Variants in PLCB1 observed in about 807,000 individuals in gnomAD.
PLCB1 encodes 1-phosphatidylinositol 4,5-bisphosphate phosphodiesterase beta-1.
A neutral mutation model predicts 161.8 loss-of-function variants in PLCB1; 46 were observed. The ratio of observed to expected loss-of-function variants is 0.28; its 90% CI spans 0.22 to 0.36. The LOEUF (loss-of-function observed/expected upper bound fraction) is 0.36. Among genes scored for constraint, PLCB1 ranks in the 10% least tolerant of loss-of-function variants. The pLI is 1.00. For synonymous variants in PLCB1, 517 were observed against 503.7 expected (o/e 1.03, Z -0.35); for missense variants, 1,016 against 1,472.5 (o/e 0.69, Z 5.07).
chr20:8,545,656 G>A (rs1985510489), intron 3 of PLCB1, among the ~76,000 whole-genome samples: 1 of 152,196 alleles, frequency 6.6e-6, no homozygotes, highest in East Asian at 1.9e-4. Context: ...CTGGATGTGG[G>A]AGGTGAGAAA....
intron 2 of PLCB1, among the ~76,000 whole-genome samples, chr20:8,163,476 A>G (rs1419924283): frequency 6.6e-6 from 1 of 152,210 alleles, no homozygotes; most frequent in Non-Finnish European, 1.5e-5. Flanking sequence ...ACCAGCAGCA[A>G]CCACTCTGGT....
At chr20:8,516,695 ATATATATATATATATG>A (rs1180202926) in intron 3 of PLCB1, among the ~76,000 whole-genome samples, 58 of 124,148 alleles carry the variant, frequency 4.7e-4, no homozygotes, top group Middle Eastern at 4.2e-3. Flanking sequence ...ATATATATAT[ATATATATATATATATG>A]TATTCCATTT....
At chr20:8,575,680 T>C (rs1986654289) in intron 3 of PLCB1, among the ~76,000 whole-genome samples, 1 of 152,234 alleles carries the variant, frequency 6.6e-6, no homozygotes, top group African/African-American at 2.4e-5. Context: ...GGGATTCCCA[T>C]TGATCTGATT....
intron 30 of PLCB1, 82 bp from the exon 31 acceptor site, chr20:8,790,093 C>A (rs577911158): frequency 4.5e-6 from 4 of 895,676 alleles, no homozygotes; most frequent in African/African-American, 3.3e-5. Flanking sequence ...AGCCATAGAT[C>A]TGAAAAGCTT....
chr20:8,812,840 G>A (rs1984895800), intron 31 of PLCB1, among the ~76,000 whole-genome samples: 1 of 152,208 alleles, frequency 6.6e-6, no homozygotes, highest in African/African-American at 2.4e-5. Context: ...AAACCATAAG[G>A]AAATTGTCTA....
chr20:8,603,093 C>T (rs966171582), intron 3 of PLCB1, among the ~76,000 whole-genome samples: 61 of 152,268 alleles, frequency 4.0e-4, no homozygotes, highest in African/African-American at 1.4e-3. Flanking sequence ...GAAAGGTCTA[C>T]GGTGTATGAC....
intron 2 of PLCB1, among the ~76,000 whole-genome samples, chr20:8,266,548 C>G (rs1438491064): frequency 1.3e-5 from 2 of 152,154 alleles, no homozygotes; most frequent in African/African-American, 4.8e-5. Context: ...TAGGAGGGAG[C>G]TACAAAGTTA....
chr20:8,349,267 A>C (rs1406128311), intron 2 of PLCB1, among the ~76,000 whole-genome samples: 1 of 152,182 alleles, frequency 6.6e-6, no homozygotes, highest in Non-Finnish European at 1.5e-5. Context: ...CAAGAAGAGG[A>C]AATAGGACAC....
chr20:8,647,877 T>C, intron 5 of PLCB1, 23 bp from the exon 6 acceptor site: 1 of 1,601,668 alleles, frequency 6.2e-7, no homozygotes, highest in Non-Finnish European at 8.6e-7. Flanking sequence ...AATCAAACCC[T>C]TGTTTTTCTG....
chr20:8,700,726 A>G (rs1164838960), intron 11 of PLCB1, among the ~76,000 whole-genome samples: 1 of 152,086 alleles, frequency 6.6e-6, no homozygotes, highest in Non-Finnish European at 1.5e-5. Flanking sequence ...TGCACATAGC[A>G]GGATAGACAG....
Position 8,332,595 on chromosome 20 carries a change from C to T in PLCB1, c.178-38787C>T, listed in dbSNP as rs538713319. 3.9e-5 allele frequency among the ~76,000 whole-genome samples: 6 copies of T among 152,266 alleles called. No homozygotes were observed. In the East Asian group the frequency reaches 5.8e-4, roughly 15 times the overall value. On this transcript the variant is annotated intron_variant, in intron 2 of 31. Transcript: ENST00000338037. ...ATCCCTAGATGAGAAAATGGAGATG[C>T]GGAAAGACTAAATGACTTGCCTGAG...
At chr20:8,202,491 T>C (rs1343161610) in intron 2 of PLCB1, among the ~76,000 whole-genome samples, 4 of 152,266 alleles carry the variant, frequency 2.6e-5, no homozygotes, top group Non-Finnish European at 5.9e-5. Flanking sequence ...GTGGGCACTT[T>C]CTACTTAGTC....
chr20:8,606,527 G>A (rs1987762810), intron 3 of PLCB1, among the ~76,000 whole-genome samples: 1 of 152,022 alleles, frequency 6.6e-6, no homozygotes, highest in African/African-American at 2.4e-5. Flanking sequence ...ATTATTATTA[G>A]TGCCCTAATG....
intron 2 of PLCB1, among the ~76,000 whole-genome samples, chr20:8,216,293 A>C (rs1204981452): frequency 7.3e-6 from 1 of 136,612 alleles, no homozygotes; most frequent in Non-Finnish European, 1.7e-5. Flanking sequence ...CTATTGGGCA[A>C]TATAAAATTT....
At chr20:8,175,007 G>A (rs1053891478) in intron 2 of PLCB1, among the ~76,000 whole-genome samples, 20 of 151,998 alleles carry the variant, frequency 1.3e-4, no homozygotes, top group African/African-American at 4.8e-4. Context: ...AAATTGAGGG[G>A]GCAGTGAGCT....
chr20:8,575,871 A>G (rs1412075295), intron 3 of PLCB1, among the ~76,000 whole-genome samples: 1 of 152,222 alleles, frequency 6.6e-6, no homozygotes, highest in Non-Finnish European at 1.5e-5. Flanking sequence ...ACGAGCTTGG[A>G]GATGTAAATC....
intron 3 of PLCB1, among the ~76,000 whole-genome samples, chr20:8,609,642 C>T (rs1436172290): frequency 6.6e-6 from 1 of 152,074 alleles, no homozygotes; most frequent in Non-Finnish European, 1.5e-5. Context: ...CCATGATTTA[C>T]ACATGGTTCT....
At chr20:8,561,585 C>A (rs1019647282) in intron 3 of PLCB1, among the ~76,000 whole-genome samples, 1 of 151,992 alleles carries the variant, frequency 6.6e-6, no homozygotes, top group Non-Finnish European at 1.5e-5. Context: ...TTAATTCTAT[C>A]AGTGAAAATA....
chr20:8,773,065 G>A (rs1982772022), intron 26 of PLCB1, among the ~76,000 whole-genome samples: 1 of 152,100 alleles, frequency 6.6e-6, no homozygotes, highest in Non-Finnish European at 1.5e-5. Context: ...ACATAAAAAT[G>A]CAAAAAGAAA....
Sources: allele counts gnomAD v4.1 joint callset (sites outside exome capture counted in the v4.1 genomes callset), GRCh38; gene constraint gnomAD v4.1.1; transcripts MANE v1.5; gene names NCBI Gene and HGNC (gene_info 2026-07-23, HGNC 2026-07-21).